ALDH1L1: variants seen among roughly 807,000 people sequenced by gnomAD.
ALDH1L1 encodes the protein aldehyde dehydrogenase 1 family member L1.
Under a neutral mutation model 101.1 loss-of-function variants are expected in ALDH1L1, and 68 were observed. The ratio of observed to expected loss-of-function variants is 0.67; its 90% CI spans 0.55 to 0.82. The LOEUF (loss-of-function observed/expected upper bound fraction) is 0.82. Among genes scored for constraint, ALDH1L1 ranks in the 40% least tolerant of loss-of-function variants. The pLI is 0.00. For synonymous variants in ALDH1L1, 486 were observed against 470.8 expected (o/e 1.03, Z -0.42); for missense variants, 1,087 against 1,172.7 (o/e 0.93, Z 1.07).
At chr3:126,172,647 G>A (rs35230839) in intron 1 of ALDH1L1, among the ~76,000 whole-genome samples, 40,066 of 151,878 alleles carry the variant, frequency 0.26, 5,979 homozygotes, top group Middle Eastern at 0.39. Context: ...AGAAAGAAAG[G>A]AATAGTAAAA....
intron 1 of ALDH1L1, among the ~76,000 whole-genome samples, chr3:126,188,569 G>T (rs2081534551): frequency 6.6e-6 from 1 of 152,158 alleles, no homozygotes; most frequent in African/African-American, 2.4e-5. Context: ...CTTTTGGTCA[G>T]GATCTCACCT....
chr3:126,189,384 A>T (rs1001042375), intron 1 of ALDH1L1, among the ~76,000 whole-genome samples: 3 of 152,186 alleles, frequency 2.0e-5, no homozygotes, highest in Admixed American at 6.5e-5. Flanking sequence ...CTAACATGTC[A>T]TCTGCTTCCA....
intron 1 of ALDH1L1, among the ~76,000 whole-genome samples, chr3:126,161,767 G>A (rs1397219128): frequency 6.6e-6 from 1 of 151,928 alleles, no homozygotes; most frequent in Non-Finnish European, 1.5e-5. Flanking sequence ...CATACATACA[G>A]AAAGTGCACA....
intron 17 of ALDH1L1, 38 bp from the exon 18 acceptor site, chr3:126,114,694 A>G (rs759284751): frequency 6.4e-7 from 1 of 1,560,718 alleles, no homozygotes; most frequent in Admixed American, 1.8e-5. Context: ...CGGTCCCTCC[A>G]GGGCAGGTAG....
At chr3:126,125,125 T>G (rs893234109) in intron 15 of ALDH1L1, among the ~76,000 whole-genome samples, 15 of 152,136 alleles carry the variant, frequency 9.9e-5, no homozygotes, top group African/African-American at 3.6e-4. Flanking sequence ...ACATCCCGCC[T>G]CTACTCCCCC....
intron 15 of ALDH1L1, among the ~76,000 whole-genome samples, chr3:126,124,660 TG>T (rs1230857273): frequency 6.6e-6 from 1 of 152,050 alleles, no homozygotes; most frequent in Non-Finnish European, 1.5e-5. Context: ...GGAATCAGGG[TG>T]GGCCAACATC....
chr3:126,197,145 G>GA (rs999992869), intron 1 of ALDH1L1, among the ~76,000 whole-genome samples: 4 of 151,904 alleles, frequency 2.6e-5, no homozygotes, highest in Non-Finnish European at 4.4e-5. Context: ...CAACACAAAA[G>GA]AAAAAAAATT....
intron 9 of ALDH1L1, among the ~76,000 whole-genome samples, chr3:126,138,212 C>T (rs1380566241): frequency 2.0e-5 from 3 of 152,200 alleles, no homozygotes; most frequent in Non-Finnish European, 4.4e-5. Flanking sequence ...TTAATTTCTT[C>T]ACCTGTAAAA....
chr3:126,144,626 T>A (rs967068862), intron 9 of ALDH1L1, among the ~76,000 whole-genome samples: 2 of 152,240 alleles, frequency 1.3e-5, no homozygotes, highest in African/African-American at 2.4e-5. Flanking sequence ...CAACAAGTGA[T>A]GTTGGAAAGA....
chr3:126,165,489 A>G (rs2081148047), intron 1 of ALDH1L1, among the ~76,000 whole-genome samples: 1 of 152,152 alleles, frequency 6.6e-6, no homozygotes, highest in Admixed American at 6.5e-5. Context: ...AATACTTTCA[A>G]TAGGATTGGT....
At chr3:126,107,309 C>G (rs1200523656) in intron 20 of ALDH1L1, 63 bp from the exon 21 acceptor site, 6 of 1,399,110 alleles carry the variant, frequency 4.3e-6, no homozygotes, top group Non-Finnish European at 6.0e-6. Flanking sequence ...CCAGCCTCTC[C>G]GTCAGCAGGG....
chr3:126,107,099 GGA>G (rs750975878), intron 21 of ALDH1L1, 40 bp downstream of exon 21: 1 of 1,560,272 alleles, frequency 6.4e-7, no homozygotes, highest in Non-Finnish European at 8.8e-7. Context: ...GTAACACGTG[GGA>G]GAGAGTCAGG....
At chr3:126,139,954 G>A (rs1175430884) in intron 9 of ALDH1L1, among the ~76,000 whole-genome samples, 1 of 152,036 alleles carries the variant, frequency 6.6e-6, no homozygotes, top group Non-Finnish European at 1.5e-5. Flanking sequence ...AGGAGCTCCA[G>A]AGGAAAAAAG....
At chr3:126,122,118 A>T (rs2080091429) in intron 16 of ALDH1L1, among the ~76,000 whole-genome samples, 1 of 152,230 alleles carries the variant, frequency 6.6e-6, no homozygotes, top group African/African-American at 2.4e-5. Flanking sequence ...GAGGCAAATA[A>T]GGATATTGCC....
chr3:126,190,684 GC>G (rs1462044052), intron 1 of ALDH1L1, among the ~76,000 whole-genome samples: 1 of 152,180 alleles, frequency 6.6e-6, no homozygotes, highest in African/African-American at 2.4e-5. Context: ...ATACTCAGGT[GC>G]AGTTTTATAA....
intron 1 of ALDH1L1, among the ~76,000 whole-genome samples, chr3:126,172,536 G>C (rs1012713686): frequency 6.6e-6 from 1 of 152,108 alleles, no homozygotes; most frequent in Admixed American, 6.6e-5. Flanking sequence ...GAAATGCAAA[G>C]GGAAATATAG....
At chr3:126,155,953 G>C (rs925528947) in intron 4 of ALDH1L1, 1 of 152,804 alleles carries the variant, frequency 6.5e-6, no homozygotes, top group Non-Finnish European at 1.5e-5. Context: ...TGGTGGGAAA[G>C]GAATCAGAGA....
chr3:126,161,929 C>A (rs867508073), intron 1 of ALDH1L1, among the ~76,000 whole-genome samples: 2 of 97,170 alleles, frequency 2.1e-5, no homozygotes, highest in Admixed American at 9.7e-5. Context: ...CGAATGGTTT[C>A]GCTTGATATA....
intron 19 of ALDH1L1, 79 bp from the exon 20 acceptor site, chr3:126,110,188 A>G: frequency 1.9e-6 from 3 of 1,561,464 alleles, no homozygotes; most frequent in East Asian, 2.2e-5. Context: ...CTCAGCTCTC[A>G]TGGCTGACCC....
Sources: gnomAD v4.1 joint callset for allele counts (sites outside exome capture counted in the v4.1 genomes callset) on GRCh38, gnomAD v4.1.1 for gene constraint, MANE v1.5 for transcripts, NCBI Gene and HGNC (gene_info 2026-07-23, HGNC 2026-07-21) for gene names.